The following PLEKHM2 variants were observed in gnomAD, a reference collection of about 807,000 sequenced individuals.
The protein encoded by PLEKHM2 is pleckstrin homology domain-containing family M member 2.
PLEKHM2 carries 77 observed loss-of-function variants against 116.3 expected under a neutral mutation model. That is an observed-to-expected ratio of 0.66 (90% CI 0.55 to 0.80). The LOEUF (loss-of-function observed/expected upper bound fraction) is 0.80, where lower values mean the gene tolerates loss of function less well. Ranked by LOEUF, PLEKHM2 falls within the 30% of genes least tolerant of loss-of-function variation. PLEKHM2 has a pLI of 0.00. For missense variants in PLEKHM2, 1,183 were observed against 1,354.9 expected, an observed-to-expected ratio of 0.87 and a Z score of 1.99; for synonymous variants, 562 against 571.0, an observed-to-expected ratio of 0.98 and a Z score of 0.22.
At chr1:15,731,334 T>G (rs1487748628) in intron 16 of PLEKHM2, 77 bp downstream of exon 16, 1 of 1,151,036 alleles carries the variant, frequency 8.7e-7, no homozygotes, top group African/African-American at 1.5e-5. Context: ...GCTGCCCCTG[T>G]TGGCAGTTCA....
intron 6 of PLEKHM2, among the ~76,000 whole-genome samples, chr1:15,720,128 T>TTATATATATA (rs144815982): frequency 9.4e-4 from 109 of 115,882 alleles, no homozygotes; most frequent in South Asian, 4.9e-3. Context: ...AAAGCTGAAA[T>TTATATATATA]TATATATATA....
intron 1 of PLEKHM2, among the ~76,000 whole-genome samples, chr1:15,710,853 A>G (rs1332575824): frequency 1.3e-5 from 2 of 152,218 alleles, no homozygotes; most frequent in Admixed American, 1.3e-4. Flanking sequence ...TGAGAGGATT[A>G]GGAAGAGCTG....
At chr1:15,725,274 G>A in intron 7 of PLEKHM2, 43 bp from the exon 8 acceptor site, 1 of 1,451,692 alleles carries the variant, frequency 6.9e-7, no homozygotes, top group Non-Finnish European at 9.5e-7. Context: ...GGGGACCCCG[G>A]GGGGTGCCTG....
At chr1:15,682,067 T>C (rs961894735), upstream of PLEKHM2, among the ~76,000 whole-genome samples, 2 of 151,610 alleles carry the variant, frequency 1.3e-5, no homozygotes, top group African/African-American at 2.4e-5. Flanking sequence ...CTGGGCGTAT[T>C]TTATTCTGTA....
chr1:15,692,493 C>T (rs559463604), intron 1 of PLEKHM2, among the ~76,000 whole-genome samples: 3 of 152,196 alleles, frequency 2.0e-5, no homozygotes, highest in Non-Finnish European at 4.4e-5. Context: ...GAAACCATGT[C>T]GTGCACAGAG....
At position 15,719,826 on chromosome 1, in the gene PLEKHM2, C is replaced by G; in HGVS notation, c.558C>G (p.Val186=). Residue 186 remains valine, a synonymous_variant, in exon 6 of 20, where the codon GTC becomes GTG. Transcript: ENST00000375799. The surrounding 1 kb of genome is among the most constrained non-coding windows in gnomAD (Gnocchi z 4.1). The stretch of plus-strand genomic sequence containing the variant: ...TTGAAGACCGCCTTCCCAGCTCGGT[C>G]CACGGCTCAGACAGTCTGTCCCTCA... ...LDFEDRLPSS[V]HGSDSLSLNS... The G allele has an allele frequency of 6.2e-7, 1 of 1,613,834 alleles. No individual in the cohort carries two copies.
intron 1 of PLEKHM2, among the ~76,000 whole-genome samples, chr1:15,700,429 G>A (rs754820498): frequency 2.0e-5 from 3 of 152,246 alleles, no homozygotes; most frequent in Non-Finnish European, 2.9e-5. Flanking sequence ...GTAGTAGGAC[G>A]CTGGCCAGAG....
At chr1:15,715,149 A>T (rs1290237978) in intron 1 of PLEKHM2, among the ~76,000 whole-genome samples, 1 of 152,148 alleles carries the variant, frequency 6.6e-6, no homozygotes, top group Non-Finnish European at 1.5e-5. Context: ...CAATTCTAGT[A>T]TTCCATGTCA....
rs540176774 is a variant in PLEKHM2, at chr1:15,725,407, G to A, written c.803G>A (p.Arg268His). The A allele has an allele frequency of 2.4e-5, 38 of 1,553,836 alleles. No homozygotes were observed. Among genetic ancestry groups the A allele is most frequent in the South Asian group, 9.5e-5 (8 of 84,190 alleles). The change falls in exon 8 of 20, where the codon CGC becomes CAC. Residue 268 changes from arginine (R) to histidine (H), a missense_variant. Transcript: ENST00000375799. ...SKASTRSPTQ[R>H]QNPFNEEPAE... ...GCCTCCACCAGGAGCCCCACCCAGC[G>A]CCAGAACCCCTTCAACGAGGAGCCG...
chr1:15,690,068 T>TC (rs1640859128), intron 1 of PLEKHM2, among the ~76,000 whole-genome samples: 1 of 148,564 alleles, frequency 6.7e-6, no homozygotes, highest in Admixed American at 6.7e-5. Flanking sequence ...GGTTTTTTTT[T>TC]TTTTTGTTTT....
rs142933478 is a variant in PLEKHM2, at chr1:15,694,181, G to A, written c.60+9563G>A. Reference sequence around the variant, plus strand: ...AGCTTGACCAACATGGTGAAACCCCGTCTCTACTAAAAATACAAAAATTAA... The same window carrying A: ...AGCTTGACCAACATGGTGAAACCCCATCTCTACTAAAAATACAAAAATTAA... On this transcript the variant is annotated intron_variant, in intron 1 of 19. Coordinates refer to ENST00000375799, the MANE Select transcript of PLEKHM2 (RefSeq NM_015164.4). 4.1e-3 allele frequency among the ~76,000 whole-genome samples: 623 copies of A among 152,062 alleles called. 11 individuals are homozygous for A. The highest frequency in any genetic ancestry group is 0.033 in the Admixed American group (498 of 15,258).
chr1:15,718,714 T>C (rs1202296248), intron 5 of PLEKHM2, 89 bp downstream of exon 5: 1 of 773,934 alleles, frequency 1.3e-6, no homozygotes, highest in Non-Finnish European at 2.2e-6. Context: ...TTCTCAGGTC[T>C]TGTTGAGGGA....
At chr1:15,718,083 G>A in intron 4 of PLEKHM2, 91 bp downstream of exon 4, 1 of 812,266 alleles carries the variant, frequency 1.2e-6, no homozygotes, top group Non-Finnish European at 2.1e-6. Flanking sequence ...AGCACAGTGT[G>A]CCACATCAGT....
chr1:15,716,225 T>C lies in PLEKHM2; in HGVS notation c.61-12T>C. The C allele has an allele frequency of 6.7e-7, 1 of 1,490,902 alleles. No homozygotes were observed. 92.4% of individuals were successfully genotyped at this position (1,490,902 alleles called of 1,614,324 possible). ...TCCATTTCTGATTTGGAGGTGTTTTTTTTTCTTTCAGTTGCAGAGCTATTT... is the reference window on the plus strand; with the variant it reads ...TCCATTTCTGATTTGGAGGTGTTTTCTTTTCTTTCAGTTGCAGAGCTATTT... On this transcript the variant is annotated splice_polypyrimidine_tract_variant and intron_variant, in intron 1 of 19. Coordinates refer to ENST00000375799, the MANE Select transcript of PLEKHM2 (RefSeq NM_015164.4).
intron 19 of PLEKHM2, among the ~76,000 whole-genome samples, chr1:15,733,549 G>A (rs1419325775): frequency 1.3e-5 from 2 of 152,260 alleles, no homozygotes; most frequent in African/African-American, 2.4e-5. Flanking sequence ...CGCCTGCCTC[G>A]CTGGGCCATC....
intron 6 of PLEKHM2, 114 bp downstream of exon 6, chr1:15,720,034 T>C (rs1203591700): frequency 2.4e-6 from 2 of 839,682 alleles, no homozygotes; most frequent in Non-Finnish European, 3.6e-6. Context: ...GGCTGAAATT[T>C]GCAATTAAAC....
chr1:15,733,457 T>C (rs1011692907), intron 19 of PLEKHM2, among the ~76,000 whole-genome samples: 5 of 152,374 alleles, frequency 3.3e-5, no homozygotes, highest in Admixed American at 2.6e-4. Flanking sequence ...TGCTACGCTC[T>C]AGCCCCGTGG....
chr1:15,728,793 AC>A lies in PLEKHM2; in HGVS notation c.1986+63del, dbSNP rs2068100148. 2 of 1,448,616 alleles carry A rather than the reference AC, an allele frequency of 1.4e-6. No individual in the cohort carries two copies. Among genetic ancestry groups the A allele is most frequent in the South Asian group, 2.4e-5 (2 of 83,184 alleles). The allele number at this position is 1,448,616 out of a possible 1,614,324, so 89.7% of individuals were successfully genotyped here. A position where few individuals can be genotyped will look rare whatever the true frequency, so the allele number is the denominator to read the frequency against. ...AGGTACAGGGCTTCTCAAGCCACTT[AC>A]CCATAGAACTGCAGGGCGAGGCACG... On this transcript the variant is annotated intron_variant, in intron 12 of 19. Transcript: ENST00000375799. The surrounding 1 kb of genome is among the most constrained non-coding windows in gnomAD (Gnocchi z 5.9).
chr1:15,683,770 G>C (rs1183877501), upstream of PLEKHM2, among the ~76,000 whole-genome samples: 6 of 144,718 alleles, frequency 4.1e-5, no homozygotes, highest in African/African-American at 1.3e-4. Flanking sequence ...GAGGTCCCAG[G>C]GGGGAGTCTA....
Sources: allele counts gnomAD v4.1 joint callset (sites outside exome capture counted in the v4.1 genomes callset), GRCh38; gene constraint gnomAD v4.1.1; non-coding constraint Gnocchi (gnomAD v3.1); transcripts MANE v1.5; gene names NCBI Gene and HGNC (gene_info 2026-07-23, HGNC 2026-07-21).